Variants in GRM7 observed in about 807,000 individuals in gnomAD.
GRM7 encodes the protein metabotropic glutamate receptor 7.
GRM7 carries 35 observed loss-of-function variants against 84.5 expected under a neutral mutation model. The observed-to-expected ratio is 0.41, with a 90% confidence interval of 0.32 to 0.55. The LOEUF (loss-of-function observed/expected upper bound fraction) is 0.55. Among genes scored for constraint, GRM7 ranks in the 20% least tolerant of loss-of-function variants. GRM7 has a pLI of 0.19. For missense variants in GRM7, 1,003 were observed against 1,194.6 expected (o/e 0.84, Z 2.36); for synonymous variants, 487 against 455.1 (o/e 1.07, Z -0.89).
At chr3:7,329,997 G>A (rs1701138975) in intron 4 of GRM7, among the ~76,000 whole-genome samples, 1 of 152,070 alleles carries the variant, frequency 6.6e-6, no homozygotes, top group Non-Finnish European at 1.5e-5. Context: ...AGTATGATTT[G>A]CTCAACTCTT....
chr3:6,914,696 C>T (rs1172905811), intron 1 of GRM7, among the ~76,000 whole-genome samples: 4 of 152,054 alleles, frequency 2.6e-5, no homozygotes, highest in Admixed American at 6.6e-5. Flanking sequence ...CCACCGTGCC[C>T]GGCCCTATTT....
chr3:7,501,689 C>T (rs1014662723), intron 7 of GRM7, among the ~76,000 whole-genome samples: 1 of 152,096 alleles, frequency 6.6e-6, no homozygotes, highest in Non-Finnish European at 1.5e-5. Context: ...TACCATGATT[C>T]CTATAGGTTG....
chr3:6,974,092 A>G (rs981748467), intron 1 of GRM7, among the ~76,000 whole-genome samples: 3 of 152,172 alleles, frequency 2.0e-5, no homozygotes, highest in Non-Finnish European at 4.4e-5. Flanking sequence ...TTAAGGTAAG[A>G]TTAACAGTAT....
At chr3:7,646,905 T>C (rs1315194329) in intron 8 of GRM7, among the ~76,000 whole-genome samples, 2 of 152,054 alleles carry the variant, frequency 1.3e-5, no homozygotes, top group East Asian at 3.9e-4. Flanking sequence ...ATTCTGGAGG[T>C]CATTCTCAGG....
intron 3 of GRM7, among the ~76,000 whole-genome samples, chr3:7,305,724 A>G (rs538133804): frequency 2.8e-4 from 43 of 151,826 alleles, no homozygotes; most frequent in African/African-American, 9.9e-4. Context: ...CTTTGACCCA[A>G]TCTTCCTGCA....
chr3:6,872,549 G>A (rs1695157533), intron 1 of GRM7, among the ~76,000 whole-genome samples: 1 of 152,048 alleles, frequency 6.6e-6, no homozygotes, highest in Admixed American at 6.6e-5. Context: ...TGCCATGGTG[G>A]TTTGCTGCAC....
At chr3:7,643,926 G>A (rs1457302716) in intron 8 of GRM7, among the ~76,000 whole-genome samples, 2 of 151,580 alleles carry the variant, frequency 1.3e-5, no homozygotes, top group African/African-American at 4.9e-5. Flanking sequence ...TAAGGGGCTG[G>A]GCCATTCCAT....
intron 4 of GRM7, among the ~76,000 whole-genome samples, chr3:7,398,778 G>A (rs2125153947): frequency 6.6e-6 from 1 of 152,080 alleles, no homozygotes; most frequent in South Asian, 2.1e-4. Context: ...CTACATCCAG[G>A]GGATTTTCTG....
Position 7,512,716 on chromosome 3 carries a change from G to C in GRM7, c.1515+50994G>C, listed in dbSNP as rs73117809. Among the ~76,000 whole-genome samples, 662 of 151,760 alleles carry C rather than the reference G, an allele frequency of 4.4e-3. 7 individuals are homozygous for C. Among genetic ancestry groups the C allele is most frequent in the African/African-American group, 0.015 (606 of 41,380 alleles). Reference sequence around the variant, plus strand: ...GTCATTTTATCTCAAAAAGCCCTTAGTTAATGCTGGGGAAAACATTTTTAT... The same window carrying C: ...GTCATTTTATCTCAAAAAGCCCTTACTTAATGCTGGGGAAAACATTTTTAT... On this transcript the variant is annotated intron_variant, in intron 7 of 9. Transcript: ENST00000357716.
At chr3:7,708,180 C>G (rs1701455476) in intron 9 of GRM7, among the ~76,000 whole-genome samples, 1 of 151,514 alleles carries the variant, frequency 6.6e-6, no homozygotes, top group Admixed American at 6.6e-5. Context: ...CACCATCTAG[C>G]TAGGTTTTGG....
At chr3:7,152,005 T>C (rs1208261571) in intron 2 of GRM7, among the ~76,000 whole-genome samples, 1 of 152,200 alleles carries the variant, frequency 6.6e-6, no homozygotes, top group Non-Finnish European at 1.5e-5. Flanking sequence ...ATGAGGTGTT[T>C]GGTGGTTCCA....
intron 1 of GRM7, among the ~76,000 whole-genome samples, chr3:7,052,295 C>T (rs999900925): frequency 6.6e-6 from 1 of 151,706 alleles, no homozygotes; most frequent in African/African-American, 2.4e-5. Flanking sequence ...AAGTTCCATA[C>T]AGTAGTTTGT....
intron 2 of GRM7, among the ~76,000 whole-genome samples, chr3:7,252,454 T>G (rs1177102454): frequency 6.6e-6 from 1 of 152,194 alleles, no homozygotes; most frequent in Non-Finnish European, 1.5e-5. Context: ...CCCCCTTTTC[T>G]GATGCTCACG....
intron 7 of GRM7, among the ~76,000 whole-genome samples, chr3:7,495,012 T>G (rs1575416120): frequency 6.6e-6 from 1 of 152,194 alleles, no homozygotes; most frequent in African/African-American, 2.4e-5. Context: ...TGATTTTCAC[T>G]TGCATCCTTG....
intron 4 of GRM7, among the ~76,000 whole-genome samples, chr3:7,411,668 A>C (rs73810628): frequency 6.6e-6 from 1 of 152,086 alleles, no homozygotes; most frequent in Non-Finnish European, 1.5e-5. Flanking sequence ...AGATTCATAC[A>C]TGTTTTTGTG....
chr3:7,042,997 G>T (rs1696684103), intron 1 of GRM7, among the ~76,000 whole-genome samples: 2 of 152,120 alleles, frequency 1.3e-5, no homozygotes, highest in Non-Finnish European at 2.9e-5. Context: ...AGGCGATCTA[G>T]ATCAGTGTTA....
At chr3:7,135,634 G>A (rs761292942) in intron 1 of GRM7, among the ~76,000 whole-genome samples, 22 of 151,962 alleles carry the variant, frequency 1.4e-4, no homozygotes, top group Non-Finnish European at 2.6e-4. Context: ...CTTGCTACAG[G>A]CAATGTGTTT....
intron 1 of GRM7, among the ~76,000 whole-genome samples, chr3:6,886,774 C>CAAT (rs146018985): frequency 0.15 from 22,529 of 149,586 alleles, 1,722 homozygotes; most frequent in African/African-American, 0.17. Context: ...TGGTCAGTAA[C>CAAT]AATAATAATA....
intron 7 of GRM7, among the ~76,000 whole-genome samples, chr3:7,541,276 T>C (rs1309284255): frequency 2.0e-4 from 30 of 152,174 alleles, no homozygotes. Context: ...TTACATATTA[T>C]TCAAACTTTT....
Sources: allele counts gnomAD v4.1 joint callset (sites outside exome capture counted in the v4.1 genomes callset), GRCh38; gene constraint gnomAD v4.1.1; transcripts MANE v1.5; gene names NCBI Gene and HGNC (gene_info 2026-07-23, HGNC 2026-07-21).